Variants in EFR3B observed in about 807,000 individuals in gnomAD.
The protein encoded by EFR3B is protein EFR3 homolog B.
EFR3B carries 64 observed loss-of-function variants against 104.7 expected under a neutral mutation model. That is an observed-to-expected ratio of 0.61 (90% CI 0.50 to 0.75). The LOEUF (loss-of-function observed/expected upper bound fraction) is 0.75. EFR3B is among the 30% of genes least tolerant of loss of function. The pLI is 0.00. For missense variants in EFR3B, 750 were observed against 1,078.5 expected (o/e 0.70, Z 4.27); for synonymous variants, 385 against 417.9 (o/e 0.92, Z 0.96).
intron 1 of EFR3B, chr2:25,081,090 C>T: frequency 1.4e-6 from 1 of 704,166 alleles, no homozygotes. Flanking sequence ...CCTCTCCATC[C>T]CTATTGCAAA....
intron 1 of EFR3B, among the ~76,000 whole-genome samples, chr2:25,052,564 T>C (rs988981158): frequency 6.9e-6 from 1 of 144,092 alleles, no homozygotes; most frequent in Non-Finnish European, 1.5e-5. Context: ...TGCAGTGGCG[T>C]GATCTCTGCT....
At chr2:25,063,420 ATTTT>A (rs1668251483) in intron 1 of EFR3B, among the ~76,000 whole-genome samples, 1 of 152,002 alleles carries the variant, frequency 6.6e-6, no homozygotes, top group Admixed American at 6.5e-5. Flanking sequence ...AATGGTATAT[ATTTT>A]TTCTAATGGC....
chr2:25,134,177 ATTT>A (rs58106803), intron 12 of EFR3B, among the ~76,000 whole-genome samples: 11 of 138,576 alleles, frequency 7.9e-5, no homozygotes, highest in East Asian at 2.0e-4. Flanking sequence ...CTCAGTTTAT[ATTT>A]TTTTTTTTTT....
At chr2:25,148,912 A>T (rs1573239662) in intron 19 of EFR3B, among the ~76,000 whole-genome samples, 1 of 101,436 alleles carries the variant, frequency 9.9e-6, no homozygotes, top group Non-Finnish European at 1.9e-5. Flanking sequence ...ACAGAGCGAG[A>T]CTCCGTCTCA....
At chr2:25,090,970 T>C (rs1669095616) in intron 1 of EFR3B, among the ~76,000 whole-genome samples, 1 of 152,120 alleles carries the variant, frequency 6.6e-6, no homozygotes, top group South Asian at 2.1e-4. Flanking sequence ...GTGTGTGTAA[T>C]AGCACAGTAG....
At position 25,137,956 on chromosome 2, in the gene EFR3B, G is replaced by A. The variant is rs890344008; in HGVS notation, c.1722+454G>A. Among the ~76,000 whole-genome samples, 1 of 152,158 alleles carries A rather than the reference G, an allele frequency of 6.6e-6. No homozygotes were observed. Among genetic ancestry groups the A allele is most frequent in the Non-Finnish European group, 1.5e-5 (1 of 68,028 alleles). On this transcript the variant is annotated intron_variant, in intron 15 of 22. Transcript: ENST00000403714. This position sits in a 1 kb window ranked among gnomAD's most constrained non-coding sequence, Gnocchi z 4.7. ...GGAGGCCGAGGTGGGTGGACCACTT[G>A]AGGTCAGGAGTTCAAGACCAGCCTG...
chr2:25,138,650 C>A (rs1262608844), intron 15 of EFR3B, among the ~76,000 whole-genome samples: 1 of 152,222 alleles, frequency 6.6e-6, no homozygotes, highest in Non-Finnish European at 1.5e-5. Context: ...GTAACTCCCA[C>A]AGCTAATTTA....
chr2:25,139,480 C>G (rs912321620), intron 16 of EFR3B, among the ~76,000 whole-genome samples: 2 of 148,846 alleles, frequency 1.3e-5, no homozygotes, highest in African/African-American at 2.4e-5. Flanking sequence ...CTCACGGGAG[C>G]ACACCCGCAC....
At position 25,091,406 on chromosome 2, in the gene EFR3B, G is replaced by T. The variant is rs763175043; in HGVS notation, c.84+5G>T. On this transcript the variant is annotated splice_donor_5th_base_variant and intron_variant, in intron 2 of 22. Transcript: ENST00000403714. ...ATCTTCCCTGAGGATCCCGAGGTGG[G>T]TCATGTCTCTGGCAGGCATCGTGGC... 2 of 1,548,244 alleles carry T rather than the reference G, an allele frequency of 1.3e-6. No individual in the cohort carries two copies. The highest frequency in any genetic ancestry group is 1.7e-6 in the Non-Finnish European group (2 of 1,145,700).
intron 1 of EFR3B, among the ~76,000 whole-genome samples, chr2:25,046,572 G>C (rs1667724617): frequency 7.0e-6 from 1 of 142,732 alleles, no homozygotes; most frequent in South Asian, 2.2e-4. Context: ...GCGCGATCTC[G>C]GCTCACTGCA....
chr2:25,055,476 A>G (rs1667991412), intron 1 of EFR3B, among the ~76,000 whole-genome samples: 1 of 152,130 alleles, frequency 6.6e-6, no homozygotes, highest in African/African-American at 2.4e-5. Flanking sequence ...TTCAAACGCT[A>G]ACTGTCTTAT....
intron 1 of EFR3B, among the ~76,000 whole-genome samples, chr2:25,051,908 G>A (rs1339566781): frequency 6.6e-6 from 1 of 150,512 alleles, no homozygotes; most frequent in African/African-American, 2.4e-5. Context: ...CCAAAGTGCT[G>A]GGATTGGCTG....
intron 1 of EFR3B, among the ~76,000 whole-genome samples, chr2:25,047,747 A>G (rs1001993954): frequency 6.6e-6 from 1 of 151,952 alleles, no homozygotes; most frequent in Non-Finnish European, 1.5e-5. Context: ...TGATACGCTC[A>G]CCTTGGCCTC....
chr2:25,114,687 A>G lies in EFR3B; in HGVS notation c.364-6986A>G, dbSNP rs1669811450. Among the ~76,000 whole-genome samples the G allele has an allele frequency of 6.6e-6, 1 of 152,182 alleles. No homozygotes were observed. The highest frequency in any genetic ancestry group is 1.5e-5 in the Non-Finnish European group (1 of 68,036). ...CCACCCCAGTTCTCCCCTTCAGAGGAAGTGGCTGTCCATCCATCCAGCCTT... is the reference window on the plus strand; with the variant it reads ...CCACCCCAGTTCTCCCCTTCAGAGGGAGTGGCTGTCCATCCATCCAGCCTT... On this transcript the variant is annotated intron_variant, in intron 4 of 22. Transcript: ENST00000403714. This position sits in a 1 kb window ranked among gnomAD's most constrained non-coding sequence, Gnocchi z 4.0.
chr2:25,141,441 G>A lies in EFR3B; in HGVS notation c.1922+8G>A. 6.4e-7 allele frequency: 1 copy of A among 1,551,122 alleles called. No homozygotes were observed. Among genetic ancestry groups the A allele is most frequent in the South Asian group, 1.2e-5 (1 of 84,016 alleles). ...GTTTGTGGAGAGGCCCAGGTGAGGA[G>A]AGGACGGGGGACGTGGTCAGGGATC... On this transcript the variant is annotated splice_region_variant and intron_variant, in intron 17 of 22. Coordinates refer to ENST00000403714, the MANE Select transcript of EFR3B (RefSeq NM_014971.2).
At chr2:25,110,708 C>T (rs903524886) in intron 4 of EFR3B, among the ~76,000 whole-genome samples, 3 of 152,160 alleles carry the variant, frequency 2.0e-5, no homozygotes, top group African/African-American at 4.8e-5. Context: ...AAAAAAATTA[C>T]GTTCTCCTGC....
In EFR3B at chr2:25,154,722, T is replaced by G. The variant is rs1671112282; in HGVS notation, c.*382T>G. On this transcript the variant is annotated 3_prime_UTR_variant, in exon 23 of 23. Coordinates refer to ENST00000403714, the MANE Select transcript of EFR3B (RefSeq NM_014971.2). This position sits in a 1 kb window ranked among gnomAD's most constrained non-coding sequence, Gnocchi z 4.1. ...CGGAGCTGGATGGAGACTTGGTTGGTGAGAGGAAGCTAAGGACTCTACTCC... is the reference window on the plus strand; with the variant it reads ...CGGAGCTGGATGGAGACTTGGTTGGGGAGAGGAAGCTAAGGACTCTACTCC... The G allele has an allele frequency of 5.5e-6, 1 of 181,572 alleles. No individual in the cohort carries two copies. Among genetic ancestry groups the G allele is most frequent in the Non-Finnish European group, 1.1e-5 (1 of 88,364 alleles). The allele number at this position is 181,572 out of a possible 1,614,324, so 11.2% of individuals were successfully genotyped here. A position where few individuals can be genotyped will look rare whatever the true frequency, so the allele number is the denominator to read the frequency against.
Position 25,153,738 on chromosome 2 carries a change from T to C in EFR3B, c.2325T>C (p.Asn775=). The C allele has an allele frequency of 1.3e-6, 2 of 1,551,670 alleles. No individual in the cohort carries two copies. The highest frequency in any genetic ancestry group is 1.7e-6 in the Non-Finnish European group (2 of 1,146,994). Reference sequence around the variant, plus strand: ...CATCGCTGCTCCAGAGCAAACTCAATCAGATCTTTGAAATCACCATCCGGT... The same window carrying C: ...CATCGCTGCTCCAGAGCAAACTCAACCAGATCTTTGAAATCACCATCCGGT... ...ARASLLQSKL[N]QIFEITIRPP... Residue 775 remains asparagine (N), a synonymous_variant, in exon 22 of 23, where the codon AAT becomes AAC. Coordinates refer to ENST00000403714, the MANE Select transcript of EFR3B (RefSeq NM_014971.2).
chr2:25,046,813 G>A (rs1440210818), intron 1 of EFR3B, among the ~76,000 whole-genome samples: 5 of 152,280 alleles, frequency 3.3e-5, no homozygotes, highest in African/African-American at 1.2e-4. Context: ...GAAGTACAAA[G>A]TCTTACTCTG....
Sources: gnomAD v4.1 joint callset for allele counts (sites outside exome capture counted in the v4.1 genomes callset) on GRCh38, gnomAD v4.1.1 for gene constraint, Gnocchi (gnomAD v3.1) non-coding constraint, MANE v1.5 for transcripts, NCBI Gene and HGNC (gene_info 2026-07-23, HGNC 2026-07-21) for gene names.